AUTS2: variants seen among roughly 807,000 people sequenced by gnomAD.
AUTS2 encodes autism susceptibility gene 2 protein.
In AUTS2, 17 loss-of-function variants were observed where a neutral mutation model predicts 112.4. That is an observed-to-expected ratio of 0.15 (90% CI 0.10 to 0.23). The LOEUF (loss-of-function observed/expected upper bound fraction) is 0.23. AUTS2 is among the 10% of genes least tolerant of loss of function. The probability of loss-of-function intolerance (pLI) is 1.00; values close to 1 mark genes in which losing one functional copy is unlikely to be tolerated. For synonymous variants in AUTS2, 751 were observed against 702.7 expected, an observed-to-expected ratio of 1.07 and a Z score of -1.09; for missense variants, 1,510 against 1,701.6, an observed-to-expected ratio of 0.89 and a Z score of 1.98.
At chr7:70,625,590 G>A (rs547857625) in intron 5 of AUTS2, among the ~76,000 whole-genome samples, 86 of 152,230 alleles carry the variant, frequency 5.6e-4, no homozygotes, top group Non-Finnish European at 9.6e-4. Context: ...TTACTTCTTC[G>A]TATTTCTGGT....
intron 2 of AUTS2, among the ~76,000 whole-genome samples, chr7:69,977,136 G>A (rs918747069): frequency 1.2e-4 from 18 of 152,092 alleles, no homozygotes; most frequent in African/African-American, 3.9e-4. Context: ...TGGTGTAAAG[G>A]GTCCAGTTTT....
At chr7:70,567,683 C>T (rs532554261) in intron 5 of AUTS2, among the ~76,000 whole-genome samples, 4 of 152,304 alleles carry the variant, frequency 2.6e-5, no homozygotes, top group African/African-American at 9.6e-5. Context: ...CCCAAAATGG[C>T]CAGCAGCAAT....
intron 2 of AUTS2, among the ~76,000 whole-genome samples, chr7:70,025,397 T>C (rs141537538): frequency 6.8e-4 from 103 of 152,154 alleles, no homozygotes; most frequent in African/African-American, 2.4e-3. Flanking sequence ...TCACTGGCTA[T>C]TTTTCAGTGT....
chr7:70,056,990 A>G (rs762678870), intron 2 of AUTS2, among the ~76,000 whole-genome samples: 1 of 152,178 alleles, frequency 6.6e-6, no homozygotes, highest in Non-Finnish European at 1.5e-5. Context: ...TTTCTTATAT[A>G]TAATACGTGA....
At chr7:70,789,718 T>C in intron 18 of AUTS2, 30 bp from the exon 19 acceptor site, 1 of 1,594,134 alleles carries the variant, frequency 6.3e-7, no homozygotes. Flanking sequence ...TCATTTCATC[T>C]GCGTCCTTGT....
At chr7:70,134,623 T>C (rs1375175317) in intron 4 of AUTS2, 52 bp downstream of exon 4, 1 of 1,524,736 alleles carries the variant, frequency 6.6e-7, no homozygotes. Context: ...ATTGATTTCC[T>C]TCTATAATGA....
intron 1 of AUTS2, among the ~76,000 whole-genome samples, chr7:69,715,021 C>T (rs890558418): frequency 6.6e-6 from 1 of 151,788 alleles, no homozygotes; most frequent in African/African-American, 2.4e-5. Context: ...CCATTAGTAT[C>T]TTTGGTCGTG....
At chr7:70,591,554 C>T (rs544600681) in intron 5 of AUTS2, among the ~76,000 whole-genome samples, 1 of 152,156 alleles carries the variant, frequency 6.6e-6, no homozygotes, top group Non-Finnish European at 1.5e-5. Flanking sequence ...CTGGCCATCA[C>T]GCCTGACTAA....
At chr7:69,955,158 G>T (rs2129546371) in intron 2 of AUTS2, among the ~76,000 whole-genome samples, 1 of 152,248 alleles carries the variant, frequency 6.6e-6, no homozygotes. Context: ...CATTTCTTTT[G>T]CTTATATTTT....
At chr7:69,842,821 G>A (rs916016553) in intron 1 of AUTS2, among the ~76,000 whole-genome samples, 2 of 152,124 alleles carry the variant, frequency 1.3e-5, no homozygotes, top group Admixed American at 6.6e-5. Context: ...CACAGTGGTA[G>A]CATCACCAAA....
chr7:69,995,752 G>T (rs1798918944), intron 2 of AUTS2, among the ~76,000 whole-genome samples: 1 of 152,148 alleles, frequency 6.6e-6, no homozygotes, highest in Non-Finnish European at 1.5e-5. Context: ...TCAACCCATA[G>T]AATTCCAGGT....
intron 2 of AUTS2, among the ~76,000 whole-genome samples, chr7:69,938,159 T>C (rs904897665): frequency 6.6e-6 from 1 of 152,228 alleles, no homozygotes; most frequent in African/African-American, 2.4e-5. Context: ...CAGTACTACA[T>C]TGTGGAATGC....
intron 5 of AUTS2, among the ~76,000 whole-genome samples, chr7:70,647,087 T>C (rs1365107268): frequency 6.6e-6 from 1 of 152,208 alleles, no homozygotes; most frequent in Non-Finnish European, 1.5e-5. Context: ...GAGAGAAGTT[T>C]GTTTTGTTCA....
intron 2 of AUTS2, among the ~76,000 whole-genome samples, chr7:69,931,923 G>A (rs1796242552): frequency 1.3e-5 from 2 of 152,100 alleles, no homozygotes; most frequent in South Asian, 4.1e-4. Flanking sequence ...TTAATTAATT[G>A]TCTTTTCATT....
chr7:69,965,752 C>G (rs1797611789), intron 2 of AUTS2, among the ~76,000 whole-genome samples: 1 of 152,076 alleles, frequency 6.6e-6, no homozygotes, highest in African/African-American at 2.4e-5. Context: ...TCCATAGACT[C>G]TCTTTTCTAC....
intron 2 of AUTS2, among the ~76,000 whole-genome samples, chr7:69,906,142 C>T (rs2129541356): frequency 6.6e-6 from 1 of 152,282 alleles, no homozygotes; most frequent in East Asian, 1.9e-4. Flanking sequence ...TTTAATAAGG[C>T]CTAGCCAGTA....
chr7:70,101,373 CAAA>C (rs553519454), intron 2 of AUTS2, among the ~76,000 whole-genome samples: 1 of 133,436 alleles, frequency 7.5e-6, no homozygotes, highest in African/African-American at 2.8e-5. Context: ...TAAGAACTGC[CAAA>C]AAAAAAAAGA....
intron 4 of AUTS2, among the ~76,000 whole-genome samples, chr7:70,184,795 A>C (rs1296236972): frequency 1.3e-5 from 2 of 152,170 alleles, no homozygotes; most frequent in Non-Finnish European, 2.9e-5. Context: ...GTCCCTGAGG[A>C]AACTATGCCC....
chr7:70,647,636 TG>T (rs1282129831), intron 5 of AUTS2, among the ~76,000 whole-genome samples: 1 of 152,170 alleles, frequency 6.6e-6, no homozygotes, highest in Non-Finnish European at 1.5e-5. Context: ...GTCTCCTGTG[TG>T]ATGTGTTTTC....
Sources: allele counts gnomAD v4.1 joint callset (sites outside exome capture counted in the v4.1 genomes callset), GRCh38; gene constraint gnomAD v4.1.1; transcripts MANE v1.5; gene names NCBI Gene and HGNC (gene_info 2026-07-23, HGNC 2026-07-21).